The following TNRC6A variants were observed in gnomAD, a reference collection of about 807,000 sequenced individuals.
The protein encoded by TNRC6A is trinucleotide repeat-containing gene 6A protein.
TNRC6A carries 44 observed loss-of-function variants against 221.2 expected under a neutral mutation model. The observed-to-expected ratio is 0.20, with a 90% CI of 0.16 to 0.26. TNRC6A has a LOEUF of 0.26. Ranked by LOEUF, TNRC6A falls within the 10% of genes least tolerant of loss-of-function variation. The pLI is 1.00. For synonymous variants in TNRC6A, 847 were observed against 838.5 expected, an observed-to-expected ratio of 1.01 and a Z score of -0.18; for missense variants, 2,199 against 2,404.4, an observed-to-expected ratio of 0.91 and a Z score of 1.79.
chr16:24,650,762 G>A lies in TNRC6A; in HGVS notation n.402+9753G>A, dbSNP rs182857651. Among the ~76,000 whole-genome samples the A allele has an allele frequency of 1.1e-3, 160 of 152,116 alleles. 2 individuals carry two copies. In the South Asian group the frequency reaches 0.026, roughly 24 times the overall value. ...GTTCACATGTGATCTGAGAAAACACGCACACGCCTGCCATGTGCACTGGCA... is the reference window on the plus strand; with the variant it reads ...GTTCACATGTGATCTGAGAAAACACACACACGCCTGCCATGTGCACTGGCA... On this transcript the variant is annotated intron_variant and non_coding_transcript_variant, in intron 2 of 2. Coordinates refer to the TNRC6A transcript ENST00000566108.
rs183247052 is a variant in TNRC6A, at chr16:24,757,737, T to G, written c.142-602T>G. Reference sequence around the variant, plus strand: ...AGTTCAGCTTCTGATCACAGTAATTTTAACAGATTGTCAGATGTGTCAGAA... The same window carrying G: ...AGTTCAGCTTCTGATCACAGTAATTGTAACAGATTGTCAGATGTGTCAGAA... On this transcript the variant is annotated intron_variant, in intron 3 of 24. Transcript: ENST00000395799. 4.6e-5 allele frequency among the ~76,000 whole-genome samples: 7 copies of G among 152,324 alleles called. No homozygotes were observed. The East Asian group carries it at 1.3e-3, about 29-fold the overall frequency.
intron 2 of TNRC6A, among the ~76,000 whole-genome samples, chr16:24,737,423 T>TA (rs1416896407): frequency 6.6e-6 from 1 of 152,254 alleles, no homozygotes; most frequent in African/African-American, 2.4e-5. Context: ...TGTCTTATTT[T>TA]AAAAATGATT....
rs77077874 is a variant in TNRC6A, at chr16:24,741,609, G to C, written c.54-9117G>C. Among the ~76,000 whole-genome samples, 6 of 152,230 alleles carry C rather than the reference G, an allele frequency of 3.9e-5. No individual in the cohort carries two copies. The East Asian group carries it at 5.8e-4, about 15-fold the overall frequency. Reference sequence around the variant, plus strand: ...ATACCTTGGTTCTCTTTTGGTACCTGGTACCTGATTTGCTCTGGTTTGCAA... The same window carrying C: ...ATACCTTGGTTCTCTTTTGGTACCTCGTACCTGATTTGCTCTGGTTTGCAA... On this transcript the variant is annotated intron_variant, in intron 2 of 24. Coordinates refer to ENST00000395799, the MANE Select transcript of TNRC6A (RefSeq NM_014494.4).
At chr16:24,649,106 C>A (rs1285455569) in intron 2 of TNRC6A, among the ~76,000 whole-genome samples, 1 of 151,644 alleles carries the variant, frequency 6.6e-6, no homozygotes, top group Non-Finnish European at 1.5e-5. Flanking sequence ...CATAGTGAGA[C>A]CCTGTCTCTA....
chr16:24,782,742 C>A (rs924360303), intron 5 of TNRC6A, among the ~76,000 whole-genome samples: 22 of 151,976 alleles, frequency 1.4e-4, no homozygotes, highest in African/African-American at 5.3e-4. Flanking sequence ...ATTAGCCAGG[C>A]GTGGTGGCGG....
At chr16:24,711,530 A>G (rs1310824766) in intron 2 of TNRC6A, among the ~76,000 whole-genome samples, 2 of 152,082 alleles carry the variant, frequency 1.3e-5, no homozygotes, top group Non-Finnish European at 2.9e-5. Context: ...CATTCTTTCT[A>G]TGACTATAGA....
At chr16:24,744,195 C>T (rs1227524785) in intron 2 of TNRC6A, among the ~76,000 whole-genome samples, 2 of 152,158 alleles carry the variant, frequency 1.3e-5, no homozygotes, top group African/African-American at 2.4e-5. Flanking sequence ...ATGTGGTGTT[C>T]TCAGTACATC....
intron 1 of TNRC6A, among the ~76,000 whole-genome samples, chr16:24,619,657 C>A (rs1230395940): frequency 6.6e-6 from 1 of 152,096 alleles, no homozygotes; most frequent in Non-Finnish European, 1.5e-5. Context: ...TACTCTTGCA[C>A]TGGAAGATGA....
At chr16:24,725,202 C>G (rs2056471423), upstream of TNRC6A, among the ~76,000 whole-genome samples, 1 of 152,140 alleles carries the variant, frequency 6.6e-6, no homozygotes, top group South Asian at 2.1e-4. Flanking sequence ...AAAGGTCTCA[C>G]TCTGTCACCC....
At chr16:24,728,477 A>T (rs924467007), upstream of TNRC6A, among the ~76,000 whole-genome samples, 9 of 151,908 alleles carry the variant, frequency 5.9e-5, no homozygotes, top group Admixed American at 1.3e-4. Context: ...AAAAAATAAA[A>T]AAAAAAGCCA....
chr16:24,612,616 G>A (rs1461714684), intron 1 of TNRC6A, among the ~76,000 whole-genome samples: 1 of 151,886 alleles, frequency 6.6e-6, no homozygotes, highest in Non-Finnish European at 1.5e-5. Flanking sequence ...AATTAGCTAG[G>A]TGTGGTGGCA....
chr16:24,677,154 C>CT (rs966420036), intron 2 of TNRC6A, among the ~76,000 whole-genome samples: 18 of 146,512 alleles, frequency 1.2e-4, no homozygotes, highest in South Asian at 2.2e-4. Flanking sequence ...GTCCCGTTTC[C>CT]TTTTTTTTTC....
chr16:24,816,835 A>T lies in TNRC6A; in HGVS notation c.4851A>T (p.Pro1617=), dbSNP rs754165964. 1.9e-6 allele frequency: 3 copies of T among 1,612,608 alleles called. No homozygotes were observed. The highest frequency in any genetic ancestry group is 2.2e-5 in the East Asian group (1 of 44,868). The change falls in exon 20 of 25, where the codon CCA becomes CCT. Residue 1617 remains proline, a synonymous_variant. Coordinates refer to ENST00000395799, the MANE Select transcript of TNRC6A (RefSeq NM_014494.4). ...NWPPEFRPGE[P]WKGYPNIDPE... is the part of the protein sequence containing the mutation. Reference sequence around the variant, plus strand: ...TTCCAGAATTTCGTCCTGGTGAGCCATGGAAAGGTTATCCAAACATTGACC... The same window carrying T: ...TTCCAGAATTTCGTCCTGGTGAGCCTTGGAAAGGTTATCCAAACATTGACC...
intron 2 of TNRC6A, among the ~76,000 whole-genome samples, chr16:24,665,962 T>C (rs757000343): frequency 3.3e-5 from 5 of 152,154 alleles, no homozygotes; most frequent in Non-Finnish European, 7.3e-5. Context: ...TTGTGAGTGG[T>C]TGTACTGAAG....
rs1456449548 is a variant in TNRC6A at position 24,758,322 on chromosome 16, G to A, written c.142-17G>A. 6.2e-7 allele frequency: 1 copy of A among 1,602,808 alleles called. No individual in the cohort carries two copies. On this transcript the variant is annotated splice_polypyrimidine_tract_variant and intron_variant, in intron 3 of 24. Coordinates refer to ENST00000395799, the MANE Select transcript of TNRC6A (RefSeq NM_014494.4). ...TTCATATTTACATTGTTTTTTGTTT[G>A]TTTGTTTTTATTTTAGGCCACTGAA...
At chr16:24,757,604 A>G (rs1033915343) in intron 3 of TNRC6A, among the ~76,000 whole-genome samples, 1 of 152,168 alleles carries the variant, frequency 6.6e-6, no homozygotes, top group Non-Finnish European at 1.5e-5. Flanking sequence ...AGTTTGAGCT[A>G]GTCACCTCGA....
At chr16:24,803,346 G>C (rs2058365425) in intron 11 of TNRC6A, 1 of 151,980 alleles carries the variant, frequency 6.6e-6, no homozygotes, top group Non-Finnish European at 1.5e-5. Context: ...TTGAACCCGG[G>C]AGGCAGAGGT....
At position 24,729,737 on chromosome 16, in the gene TNRC6A, A is replaced by G; in HGVS notation, c.-105A>G. ...CGGCGGCAGCGGGTCGGTGTAGAAA[A>G]TGGCGCTGGTGCAGCGGCTCGGGCC... is the stretch of plus-strand genomic sequence containing the variant. On this transcript the variant is annotated 5_prime_UTR_variant, in exon 1 of 25. An upstream start codon of the reference 5' UTR is lost. Coordinates refer to ENST00000395799, the MANE Select transcript of TNRC6A (RefSeq NM_014494.4). 1 of 1,216,308 alleles carries G rather than the reference A, an allele frequency of 8.2e-7. No homozygotes were observed. 75.3% of individuals were successfully genotyped at this position (1,216,308 alleles called of 1,614,324 possible).
chr16:24,681,376 C>T (rs1166181818), intron 2 of TNRC6A, among the ~76,000 whole-genome samples: 1 of 151,806 alleles, frequency 6.6e-6, no homozygotes, highest in Non-Finnish European at 1.5e-5. Flanking sequence ...TACAGGCATG[C>T]GCCACCATGC....
Sources: gnomAD v4.1 joint callset for allele counts (sites outside exome capture counted in the v4.1 genomes callset) on GRCh38, gnomAD v4.1.1 for gene constraint, MANE v1.5 for transcripts, NCBI Gene and HGNC (gene_info 2026-07-23, HGNC 2026-07-21) for gene names.